The following MFF variants were observed in gnomAD, a reference collection of about 807,000 sequenced individuals.
The protein encoded by MFF is mitochondrial fission factor.
In MFF, 12 loss-of-function variants were observed where a neutral mutation model predicts 36.9. That is an observed-to-expected ratio of 0.33 (90% confidence interval 0.21 to 0.53). MFF has a LOEUF of 0.53. Among genes scored for constraint, MFF ranks in the 20% least tolerant of loss-of-function variants. The probability of loss-of-function intolerance (pLI) is 0.95; values close to 1 mark genes in which losing one functional copy is unlikely to be tolerated. For missense variants in MFF, 348 were observed against 366.6 expected (o/e 0.95, Z 0.42); for synonymous variants, 99 against 126.2 (o/e 0.78, Z 1.44).
At chr2:227,342,467 CTTTAGTGTT>C (rs915113374) in intron 5 of MFF, among the ~76,000 whole-genome samples, 3 of 152,150 alleles carry the variant, frequency 2.0e-5, no homozygotes, top group African/African-American at 7.2e-5. Flanking sequence ...TCTTTACCTA[CTTTAGTGTT>C]TTCTTTGTAA....
At chr2:227,347,847 A>G (rs896833834) in intron 6 of MFF, among the ~76,000 whole-genome samples, 1 of 152,234 alleles carries the variant, frequency 6.6e-6, no homozygotes, top group Non-Finnish European at 1.5e-5. Context: ...CCTCTCAGCT[A>G]CGGATTTCTA....
chr2:227,352,226 A>G (rs1382668334), intron 6 of MFF: 6 of 292,330 alleles, frequency 2.1e-5, no homozygotes, highest in Admixed American at 9.5e-5. Flanking sequence ...CTTAAATTTC[A>G]TAAAGTAAAG....
At chr2:227,343,682 CAA>C (rs1256956539) in intron 5 of MFF, among the ~76,000 whole-genome samples, 3 of 152,148 alleles carry the variant, frequency 2.0e-5, no homozygotes, top group African/African-American at 7.2e-5. Flanking sequence ...TATGAAAACT[CAA>C]AGAGGTACTT....
rs571354703 is a variant in MFF at position 227,325,275 on chromosome 2, G to T, written c.-305G>T. On this transcript the variant is annotated 5_prime_UTR_variant, in exon 1 of 9. Transcript: ENST00000304593. ...CAGAAGGGGCCAGCCCGCGCCTTTC[G>T]CGCTTCTGCCCTGGCCCTCTGCGGG... 7.2e-5 allele frequency: 11 copies of T among 152,978 alleles called. 1 individual carries two copies. Among genetic ancestry groups the T allele is most frequent in the Admixed American group, 5.9e-4 (9 of 15,344 alleles). 9.5% of individuals were successfully genotyped at this position (152,978 alleles called of 1,614,324 possible).
At chr2:227,351,725 G>C (rs1420971209) in intron 6 of MFF, 1 of 152,188 alleles carries the variant, frequency 6.6e-6, no homozygotes, top group Admixed American at 6.5e-5. Flanking sequence ...GCTTATCAAA[G>C]TAGAAAGCTA....
intron 6 of MFF, among the ~76,000 whole-genome samples, chr2:227,348,759 G>A (rs759132506): frequency 6.6e-6 from 1 of 152,172 alleles, no homozygotes; most frequent in Non-Finnish European, 1.5e-5. Flanking sequence ...CATCTGTTGA[G>A]AAATAGAGAG....
intron 5 of MFF, among the ~76,000 whole-genome samples, chr2:227,342,068 ACTAAT>A (rs2075424895): frequency 6.6e-6 from 1 of 152,078 alleles, no homozygotes; most frequent in Admixed American, 6.5e-5. Flanking sequence ...TACAGTGTTA[ACTAAT>A]ACTTGATTTT....
chr2:227,341,812 G>A (rs576415759), intron 5 of MFF, among the ~76,000 whole-genome samples: 2 of 152,024 alleles, frequency 1.3e-5, no homozygotes, highest in African/African-American at 4.8e-5. Flanking sequence ...ATAAAGATGT[G>A]GCTTACTATT....
At chr2:227,332,380 G>A (rs780064553) in intron 3 of MFF, 39 bp from the exon 4 acceptor site, 23 of 1,531,568 alleles carry the variant, frequency 1.5e-5, no homozygotes, top group East Asian at 6.8e-5. Flanking sequence ...AAAACCTCCC[G>A]CTTTTCTCTT....
chr2:227,341,654 A>C (rs2075398587), intron 5 of MFF, among the ~76,000 whole-genome samples: 1 of 152,134 alleles, frequency 6.6e-6, no homozygotes, highest in Non-Finnish European at 1.5e-5. Context: ...TGTATTACAC[A>C]AACGGTAAAG....
At chr2:227,356,143 G>C (rs2076244647) in intron 8 of MFF, among the ~76,000 whole-genome samples, 1 of 152,158 alleles carries the variant, frequency 6.6e-6, no homozygotes, top group African/African-American at 2.4e-5. Flanking sequence ...CGTATTTCCT[G>C]TATTCTGTAA....
Position 227,354,943 on chromosome 2 carries a change from C to T in MFF, c.660-734C>T, listed in dbSNP as rs2076186027. Among the ~76,000 whole-genome samples, 4 of 152,058 alleles carry T rather than the reference C, an allele frequency of 2.6e-5. No homozygotes were observed. The South Asian group carries it at 8.3e-4, about 32-fold the overall frequency. On this transcript the variant is annotated intron_variant, in intron 7 of 8. Coordinates refer to ENST00000304593, the MANE Select transcript of MFF (RefSeq NM_001277062.2). ...TAGGAGGCTGAGGTGGGTGGATCACCTGAGGTCAGGACTTTGAGACCAGCC... is the reference window on the plus strand; with the variant it reads ...TAGGAGGCTGAGGTGGGTGGATCACTTGAGGTCAGGACTTTGAGACCAGCC...
chr2:227,339,147 A>G (rs1179384275), intron 4 of MFF, among the ~76,000 whole-genome samples: 2 of 151,484 alleles, frequency 1.3e-5, no homozygotes, highest in African/African-American at 4.9e-5. Flanking sequence ...GGCTGCAACG[A>G]GCCATGAGCA....
At chr2:227,347,502 T>C (rs971663974) in intron 6 of MFF, 118 bp downstream of exon 6, 7 of 792,314 alleles carry the variant, frequency 8.8e-6, no homozygotes, top group African/African-American at 8.6e-5. Context: ...TAAGATGCAA[T>C]GATTTGAAAC....
At chr2:227,326,158 A>G (rs1001913495) in intron 1 of MFF, among the ~76,000 whole-genome samples, 56 of 152,056 alleles carry the variant, frequency 3.7e-4, no homozygotes, top group African/African-American at 1.4e-3. Context: ...AGTTAGAAGC[A>G]AAGGGCATTC....
chr2:227,357,812 T>C lies in MFF; in HGVS notation c.*695T>C, dbSNP rs2076325798. ...GAATAAGGTACAAATGTAGTGTATT[T>C]AATAAACTGTCAACCAAAGAAGTAT... On this transcript the variant is annotated 3_prime_UTR_variant, in exon 9 of 9. Coordinates refer to ENST00000304593, the MANE Select transcript of MFF (RefSeq NM_001277062.2). The C allele has an allele frequency of 6.6e-6, 1 of 152,254 alleles. No individual in the cohort carries two copies. The highest frequency in any genetic ancestry group is 1.5e-5 in the Non-Finnish European group (1 of 68,042). The allele number at this position is 152,254 out of a possible 1,614,324, so 9.4% of individuals were successfully genotyped here.
At chr2:227,328,289 G>A (rs1430145800) in intron 1 of MFF, among the ~76,000 whole-genome samples, 4 of 102,622 alleles carry the variant, frequency 3.9e-5, no homozygotes, top group Non-Finnish European at 7.4e-5. Flanking sequence ...AATCTAGCCC[G>A]GGTGACAAAA....
intron 5 of MFF, among the ~76,000 whole-genome samples, chr2:227,345,383 T>C (rs1452418400): frequency 1.3e-5 from 2 of 152,258 alleles, no homozygotes; most frequent in Admixed American, 6.5e-5. Context: ...TATGTTAGTA[T>C]ATAGCTGGTT....
chr2:227,332,239 T>TGGGATTAC (rs2074653294), intron 3 of MFF, among the ~76,000 whole-genome samples, 180 bp from the exon 4 acceptor site: 1 of 152,042 alleles, frequency 6.6e-6, no homozygotes, highest in Non-Finnish European at 1.5e-5. Context: ...CCCAAAGTGC[T>TGGGATTAC]GGGATTACAG....
Sources: allele counts gnomAD v4.1 joint callset (sites outside exome capture counted in the v4.1 genomes callset), GRCh38; gene constraint gnomAD v4.1.1; transcripts MANE v1.5; gene names NCBI Gene and HGNC (gene_info 2026-07-23, HGNC 2026-07-21).